GXYLT2: variants seen among roughly 807,000 people sequenced by gnomAD.
GXYLT2 encodes the protein glycosyltransferase 8 domain containing 4.
In GXYLT2, 53 loss-of-function variants were observed where a neutral mutation model predicts 45.8. The observed-to-expected ratio is 1.16, with a 90% CI of 0.93 to 1.46. The LOEUF (loss-of-function observed/expected upper bound fraction) is 1.46, where lower values mean the gene tolerates loss of function less well. GXYLT2 is among the 40% of genes most tolerant of loss of function. The probability of loss-of-function intolerance (pLI) is 0.00; values close to 1 mark genes in which losing one functional copy is unlikely to be tolerated. For missense variants in GXYLT2, 551 were observed against 544.4 expected (o/e 1.01, Z -0.12); for synonymous variants, 219 against 214.2 (o/e 1.02, Z -0.19).
At chr3:72,930,367 T>C (rs11920490) in intron 3 of GXYLT2, among the ~76,000 whole-genome samples, 3 of 151,634 alleles carry the variant, frequency 2.0e-5, no homozygotes, top group Admixed American at 6.6e-5. Flanking sequence ...CTGGGCGTGG[T>C]GGCATGTGCC....
chr3:72,968,836 C>T (rs1377110568), intron 6 of GXYLT2, among the ~76,000 whole-genome samples: 4 of 151,942 alleles, frequency 2.6e-5, no homozygotes, highest in Non-Finnish European at 4.4e-5. Flanking sequence ...GCAAGGTTGG[C>T]GGATCACGAG....
intron 3 of GXYLT2, among the ~76,000 whole-genome samples, chr3:72,944,863 G>T (rs972621714): frequency 6.6e-6 from 1 of 152,088 alleles, no homozygotes. Context: ...AATGATGTGC[G>T]TAGCAACCTA....
intron 2 of GXYLT2, among the ~76,000 whole-genome samples, chr3:72,921,011 G>A (rs1709824453): frequency 6.6e-6 from 1 of 151,456 alleles, no homozygotes; most frequent in African/African-American, 2.4e-5. Flanking sequence ...AGTAGAGACG[G>A]GGTTTCGCCA....
intron 6 of GXYLT2, among the ~76,000 whole-genome samples, chr3:72,968,989 T>C (rs967270985): frequency 6.6e-5 from 10 of 151,902 alleles, no homozygotes; most frequent in Middle Eastern, 3.2e-3. Context: ...GAGAATGGCA[T>C]GAACCCAGGA....
intron 4 of GXYLT2, 48 bp downstream of exon 4, chr3:72,955,397 T>C (rs770505235): frequency 6.3e-7 from 1 of 1,589,344 alleles, no homozygotes; most frequent in Admixed American, 1.7e-5. Flanking sequence ...GGAGTTGGTC[T>C]TGTCAACAGT....
At chr3:72,894,789 AAT>A (rs1453564148) in intron 1 of GXYLT2, among the ~76,000 whole-genome samples, 6 of 152,142 alleles carry the variant, frequency 3.9e-5, no homozygotes, top group Non-Finnish European at 8.8e-5. Flanking sequence ...AAAACGCTAT[AAT>A]ATGTAAACTG....
chr3:72,892,869 A>G (rs1348480509), intron 1 of GXYLT2, among the ~76,000 whole-genome samples: 2 of 152,152 alleles, frequency 1.3e-5, no homozygotes. Context: ...TGATTGGTCC[A>G]TGAATCCCCT....
chr3:72,927,870 G>T (rs1038850548), intron 3 of GXYLT2, among the ~76,000 whole-genome samples: 1 of 152,150 alleles, frequency 6.6e-6, no homozygotes, highest in Non-Finnish European at 1.5e-5. Context: ...TGACATTCAG[G>T]ATATTAGCTA....
chr3:72,930,675 C>A (rs1296922481), intron 3 of GXYLT2, among the ~76,000 whole-genome samples: 3 of 145,146 alleles, frequency 2.1e-5, no homozygotes, highest in African/African-American at 5.1e-5. Flanking sequence ...CTCACTGCAG[C>A]CTTGACCTCC....
chr3:72,969,234 T>A (rs1313435381), intron 6 of GXYLT2, among the ~76,000 whole-genome samples: 2 of 140,910 alleles, frequency 1.4e-5, no homozygotes, highest in African/African-American at 5.2e-5. Flanking sequence ...ACCCCATCTG[T>A]ACAAAAAATT....
intron 2 of GXYLT2, among the ~76,000 whole-genome samples, chr3:72,914,094 C>T (rs1012125640): frequency 6.6e-6 from 1 of 152,070 alleles, no homozygotes; most frequent in African/African-American, 2.4e-5. Flanking sequence ...GGGATAACTT[C>T]TGGGAAGCTC....
chr3:72,892,618 T>G (rs1709203474), intron 1 of GXYLT2, among the ~76,000 whole-genome samples: 1 of 152,206 alleles, frequency 6.6e-6, no homozygotes, highest in Non-Finnish European at 1.5e-5. Flanking sequence ...AGCATGTGTC[T>G]CATCAAGAGG....
rs78222862 is a variant in GXYLT2, at chr3:72,931,673, G to A, written c.600+9338G>A. ...AGAGGGAAATTTATAAACTTCAGCA[G>A]TACAAATGAGGAAAGGCCTCAAGTC... On this transcript the variant is annotated intron_variant, in intron 3 of 6. Coordinates refer to ENST00000389617, the MANE Select transcript of GXYLT2 (RefSeq NM_001080393.2). Among the ~76,000 whole-genome samples the A allele has an allele frequency of 8.5e-3, 1,296 of 152,054 alleles. 6 individuals carry two copies. The highest frequency in any genetic ancestry group is 0.03 in the African/African-American group (1,229 of 41,466).
intron 1 of GXYLT2, among the ~76,000 whole-genome samples, chr3:72,893,360 C>G (rs1006799309): frequency 1.7e-4 from 26 of 152,314 alleles, no homozygotes; most frequent in Admixed American, 7.8e-4. Flanking sequence ...TGTGCACATC[C>G]TAACACGGCT....
intron 3 of GXYLT2, chr3:72,929,140 C>A: frequency 6.3e-7 from 1 of 1,588,578 alleles, no homozygotes; most frequent in South Asian, 1.1e-5. Context: ...ACGCCTCCTA[C>A]GTTTACCTGT....
At chr3:72,956,704 CAG>C (rs980638954) in intron 4 of GXYLT2, among the ~76,000 whole-genome samples, 5 of 151,972 alleles carry the variant, frequency 3.3e-5, no homozygotes, top group Non-Finnish European at 7.4e-5. Flanking sequence ...GCCTCGCCAA[CAG>C]GGGGAAACCC....
At position 72,975,199 on chromosome 3, in the gene GXYLT2, C is replaced by G; in HGVS notation, c.*40C>G. 6.7e-7 allele frequency: 1 copy of G among 1,500,930 alleles called. No individual in the cohort carries two copies. The highest frequency in any genetic ancestry group is 9.2e-7 in the Non-Finnish European group (1 of 1,090,346). The allele number at this position is 1,500,930 out of a possible 1,614,324, so 93.0% of individuals were successfully genotyped here. A position where few individuals can be genotyped will look rare whatever the true frequency, so the allele number is the denominator to read the frequency against. ...TGCAAGTCAATTAGGTGTCTTGTGA[C>G]CAAGGAAATACTAATCTCTAAGCTG... is the stretch of plus-strand genomic sequence containing the variant. On this transcript the variant is annotated 3_prime_UTR_variant, in exon 7 of 7. Transcript: ENST00000389617.
In GXYLT2 at chr3:72,944,121, T is replaced by C. The variant is rs545049219; in HGVS notation, c.601-10977T>C. ...TGTTTGTTTAAAGACAGGGTCTCTT[T>C]CTCTCACCCAGGCTGGAGTGCAGTA... On this transcript the variant is annotated intron_variant, in intron 3 of 6. Coordinates refer to ENST00000389617, the MANE Select transcript of GXYLT2 (RefSeq NM_001080393.2). Among the ~76,000 whole-genome samples the C allele has an allele frequency of 2.7e-5, 4 of 150,104 alleles. No homozygotes were observed. In the East Asian group the frequency reaches 7.7e-4, roughly 29 times the overall value.
At chr3:72,888,540 C>CGGACCCGTGTCTCGCTCCCT (rs1406882498) in intron 1 of GXYLT2, 32 bp downstream of exon 1, 2 of 1,189,450 alleles carry the variant, frequency 1.7e-6, no homozygotes, top group African/African-American at 3.2e-5. Flanking sequence ...ATCCCATCTG[C>CGGACCCGTGTCTCGCTCCCT]GGACCCGTGT....
Sources: allele counts gnomAD v4.1 joint callset (sites outside exome capture counted in the v4.1 genomes callset), GRCh38; gene constraint gnomAD v4.1.1; transcripts MANE v1.5; gene names NCBI Gene and HGNC (gene_info 2026-07-23, HGNC 2026-07-21).